MPDZ: variants seen among roughly 807,000 people sequenced by gnomAD.
MPDZ encodes the protein multiple PDZ domain crumbs cell polarity complex component, also known as multiple PDZ domain protein.
In MPDZ, 234 loss-of-function variants were observed where a neutral mutation model predicts 239.1. The observed-to-expected ratio is 0.98, with a 90% CI of 0.88 to 1.09. The LOEUF is 1.09. Among genes scored for constraint, MPDZ ranks in the 50% least tolerant of loss-of-function variants. The pLI is 0.00. For missense variants in MPDZ, 3,175 were observed against 2,510.0 expected (o/e 1.26, Z -5.66); for synonymous variants, 1,048 against 881.3 (o/e 1.19, Z -3.35).
chr9:13,202,025 C>T (rs1382271129), intron 12 of MPDZ, among the ~76,000 whole-genome samples: 1 of 152,118 alleles, frequency 6.6e-6, no homozygotes, highest in Non-Finnish European at 1.5e-5. Context: ...CATGTTTTCA[C>T]AATCCTTGTA....
intron 12 of MPDZ, among the ~76,000 whole-genome samples, chr9:13,200,447 ATTCT>A (rs1483368236): frequency 6.6e-6 from 1 of 151,762 alleles, no homozygotes; most frequent in African/African-American, 2.4e-5. Flanking sequence ...TGCTACAATT[ATTCT>A]TTCTTTCTGC....
intron 10 of MPDZ, among the ~76,000 whole-genome samples, chr9:13,214,800 C>T (rs904813141): frequency 6.6e-6 from 1 of 151,946 alleles, no homozygotes; most frequent in Non-Finnish European, 1.5e-5. Context: ...ACAGAGAAAG[C>T]TCACTTCGGG....
At chr9:13,218,032 G>C (rs918641012) in intron 8 of MPDZ, among the ~76,000 whole-genome samples, 8 of 151,830 alleles carry the variant, frequency 5.3e-5, no homozygotes, top group African/African-American at 1.9e-4. Context: ...GGTGTCAGCA[G>C]ATCCTACAGA....
At chr9:13,165,874 G>A (rs1951011636) in intron 22 of MPDZ, among the ~76,000 whole-genome samples, 1 of 152,072 alleles carries the variant, frequency 6.6e-6, no homozygotes, top group African/African-American at 2.4e-5. Flanking sequence ...AATGAAACCT[G>A]GATCTTAAAC....
chr9:13,195,079 G>A (rs1353602572), intron 13 of MPDZ, among the ~76,000 whole-genome samples: 1 of 152,088 alleles, frequency 6.6e-6, no homozygotes, highest in Non-Finnish European at 1.5e-5. Flanking sequence ...CTGGAGTCCA[G>A]AAGTCCAAGA....
At chr9:13,165,450 T>C (rs1390698952) in intron 22 of MPDZ, 1 of 1,546,654 alleles carries the variant, frequency 6.5e-7, no homozygotes, top group Admixed American at 2.0e-5. Flanking sequence ...TTTACAATGG[T>C]GTTAACAAAT....
chr9:13,136,012 T>A, intron 31 of MPDZ, 80 bp downstream of exon 31: 1 of 925,756 alleles, frequency 1.1e-6, no homozygotes, highest in Non-Finnish European at 1.7e-6. Context: ...CCTCTCTAAG[T>A]GTTATGTAAT....
chr9:13,127,151 T>C (rs1243061415), intron 32 of MPDZ, among the ~76,000 whole-genome samples: 3 of 152,230 alleles, frequency 2.0e-5, no homozygotes, highest in African/African-American at 7.2e-5. Context: ...CCGCTTCTTC[T>C]CTGGCCTGTC....
intron 26 of MPDZ, among the ~76,000 whole-genome samples, chr9:13,145,263 A>C (rs980498161): frequency 6.6e-6 from 1 of 152,028 alleles, no homozygotes; most frequent in Non-Finnish European, 1.5e-5. Flanking sequence ...GAAAAGCAGA[A>C]ATATTAACAA....
rs1965801218 is a variant in MPDZ, at chr9:13,243,114, TAA to T, written c.183+4519_183+4520del. Among the ~76,000 whole-genome samples, 5 of 152,350 alleles carry T rather than the reference TAA, an allele frequency of 3.3e-5. 1 individual carries two copies. The South Asian group carries it at 1.0e-3, about 32-fold the overall frequency. On this transcript the variant is annotated intron_variant, in intron 3 of 46. Transcript: ENST00000319217. ...CCTCCACTGTGAGGTTTTCTTCTAG[TAA>T]AAGTTACTCATTCCTTCTTTACTAT...
At chr9:13,239,079 G>T (rs1317824023) in intron 3 of MPDZ, among the ~76,000 whole-genome samples, 3 of 151,946 alleles carry the variant, frequency 2.0e-5, no homozygotes, top group Non-Finnish European at 2.9e-5. Context: ...ATGTTTCACA[G>T]GATATATGTC....
rs368811859 is a variant in MPDZ, at chr9:13,206,107, T to TAA, written c.1291-10_1291-9dup. The TAA allele has an allele frequency of 2.9e-4, 413 of 1,413,858 alleles. No individual in the cohort carries two copies. Among genetic ancestry groups the TAA allele is most frequent in the South Asian group, 1.7e-3 (130 of 74,682 alleles). The allele number at this position is 1,413,858 out of a possible 1,614,324, so 87.6% of individuals were successfully genotyped here. ...AAGGTTTGTGCCATCTACCTGTGAT[T>TAA]AAAAAAAAAAAAAAGCATGTTACAT... On this transcript the variant is annotated splice_polypyrimidine_tract_variant and intron_variant, in intron 10 of 46. Transcript: ENST00000319217.
chr9:13,189,114 C>CA, intron 16 of MPDZ, 121 bp from the exon 17 acceptor site: 34 of 772,000 alleles, frequency 4.4e-5, no homozygotes, highest in South Asian at 6.2e-5. Flanking sequence ...ATTTTCATGC[C>CA]AAAAAAAATC....
At chr9:13,110,776 G>A (rs770993009) in intron 43 of MPDZ, 36 bp from the exon 44 acceptor site, 38 of 1,536,608 alleles carry the variant, frequency 2.5e-5, no homozygotes, top group Non-Finnish European at 3.3e-5. Flanking sequence ...ATCTGCTAAA[G>A]CAGCCATGGA....
chr9:13,127,841 C>G (rs1945346114), intron 32 of MPDZ, among the ~76,000 whole-genome samples: 1 of 152,178 alleles, frequency 6.6e-6, no homozygotes, highest in Non-Finnish European at 1.5e-5. Context: ...TTACCTTCTA[C>G]CTAACTATAG....
In MPDZ at chr9:13,190,400, A is replaced by C. The variant is rs142367640; in HGVS notation, c.1969-101T>G. The C allele has an allele frequency of 3.8e-5, 37 of 983,254 alleles. No individual in the cohort carries two copies. The African/African-American group carries it at 5.8e-4, about 15-fold the overall frequency. The allele number at this position is 983,254 out of a possible 1,614,324, so 60.9% of individuals were successfully genotyped here. On this transcript the variant is annotated intron_variant, in intron 15 of 46. Transcript: ENST00000319217. ...GATATTCCCAGCATCTGTCCAAACA[A>C]AACATCCTCAAACAAGAGTAGCAAC... is the stretch of plus-strand genomic sequence containing the variant.
At chr9:13,111,215 A>G (rs1479701587) in intron 43 of MPDZ, among the ~76,000 whole-genome samples, 1 of 152,230 alleles carries the variant, frequency 6.6e-6, no homozygotes, top group African/African-American at 2.4e-5. Flanking sequence ...GGCTGCTTTC[A>G]CAGCGCAGAG....
intron 40 of MPDZ, 100 bp from the exon 41 acceptor site, chr9:13,114,121 G>A: frequency 1.1e-6 from 1 of 881,128 alleles, no homozygotes; most frequent in Non-Finnish European, 1.7e-6. Context: ...TACCTGTTAA[G>A]CAACAGTGGC....
At position 13,162,668 on chromosome 9, in the gene MPDZ, ATTAGAT is replaced by A; in HGVS notation, c.3359+17_3359+22del. ...TACAACTTGCTGTACCATTCATTGT[ATTAGAT>A]TTAATGTTTCACTTACCTGCCAGTG... On this transcript the variant is annotated intron_variant, in intron 23 of 46. Coordinates refer to ENST00000319217, the MANE Select transcript of MPDZ (RefSeq NM_001378778.1). 3.4e-6 allele frequency: 5 copies of A among 1,491,524 alleles called. No homozygotes were observed. Among genetic ancestry groups the A allele is most frequent in the Non-Finnish European group, 4.7e-6 (5 of 1,071,522 alleles). 92.4% of individuals were successfully genotyped at this position (1,491,524 alleles called of 1,614,324 possible). A position where few individuals can be genotyped will look rare whatever the true frequency, so the allele number is the denominator to read the frequency against.
Sources: gnomAD v4.1 joint callset for allele counts (sites outside exome capture counted in the v4.1 genomes callset) on GRCh38, gnomAD v4.1.1 for gene constraint, MANE v1.5 for transcripts, NCBI Gene and HGNC (gene_info 2026-07-23, HGNC 2026-07-21) for gene names.